The following AGPAT3 variants were observed in gnomAD, a reference collection of about 807,000 sequenced individuals.
AGPAT3 encodes the protein 1-acyl-sn-glycerol-3-phosphate acyltransferase gamma.
A neutral mutation model predicts 47.3 loss-of-function variants in AGPAT3; 5 were observed. The ratio of observed to expected loss-of-function variants is 0.11; its 90% CI spans 0.06 to 0.22. The LOEUF (loss-of-function observed/expected upper bound fraction) is 0.22. AGPAT3 is among the 10% of genes least tolerant of loss of function. The pLI, the probability that AGPAT3 is intolerant of heterozygous loss-of-function variation, is 1.00. For synonymous variants in AGPAT3, 212 were observed against 208.3 expected (o/e 1.02, Z -0.15); for missense variants, 315 against 493.0 (o/e 0.64, Z 3.42).
intron 1 of AGPAT3, among the ~76,000 whole-genome samples, chr21:43,897,193 A>G (rs2086240493): frequency 6.6e-6 from 1 of 151,872 alleles, no homozygotes; most frequent in South Asian, 2.1e-4. Context: ...CGTCTGTTTA[A>G]CAAAGCACAT....
chr21:43,902,392 G>A (rs1420826884), intron 1 of AGPAT3, among the ~76,000 whole-genome samples: 1 of 152,186 alleles, frequency 6.6e-6, no homozygotes, highest in African/African-American at 2.4e-5. Context: ...GGGAAAATAT[G>A]CGATATATAC....
intron 7 of AGPAT3, among the ~76,000 whole-genome samples, chr21:43,975,888 G>A (rs1457767249): frequency 6.6e-6 from 1 of 152,086 alleles, no homozygotes; most frequent in East Asian, 1.9e-4. Flanking sequence ...ATTCTCTGAC[G>A]GCCGTCGCAG....
intron 2 of AGPAT3, among the ~76,000 whole-genome samples, chr21:43,905,899 T>C (rs1486520991): frequency 6.6e-6 from 1 of 152,220 alleles, no homozygotes; most frequent in African/African-American, 2.4e-5. Flanking sequence ...AGAGGGCTTC[T>C]GATCTGTCAG....
chr21:43,917,815 G>A (rs548757815), intron 2 of AGPAT3, among the ~76,000 whole-genome samples: 2 of 112,320 alleles, frequency 1.8e-5, no homozygotes, highest in African/African-American at 4.3e-5. Flanking sequence ...GTTGTGTTGT[G>A]GGTGTTGTGG....
Position 43,903,690 on chromosome 21 carries a change from C to T in AGPAT3, c.-111-267C>T, listed in dbSNP as rs79856265. The stretch of plus-strand genomic sequence containing the variant: ...GTCCTTCCTGGGGCGTGACCTCTGG[C>T]GGCTCCGGGACTGTTCATTTATGAG... On this transcript the variant is annotated intron_variant, in intron 1 of 9. Transcript: ENST00000291572. Among the ~76,000 whole-genome samples the T allele has an allele frequency of 7.7e-3, 1,171 of 152,310 alleles. 18 individuals carry two copies. The highest frequency in any genetic ancestry group is 0.027 in the African/African-American group (1,115 of 41,564).
Position 43,959,649 on chromosome 21 carries a change from C to T in AGPAT3, c.-33C>T, listed in dbSNP as rs202218415. ...GTCTTTGCAGGACGGCTGTCCTCAG[C>T]GAGGGGCCGTGCACCCGCTCCTGAG... On this transcript the variant is annotated 5_prime_UTR_variant, in exon 3 of 10. Transcript: ENST00000291572. 1,808 of 1,608,278 alleles carry T rather than the reference C, an allele frequency of 1.1e-3. 9 individuals carry two copies. The highest frequency in any genetic ancestry group is 5.3e-3 in the Middle Eastern group (32 of 6,056).
chr21:43,981,671 G>T lies in AGPAT3; in HGVS notation c.1042+484G>T, dbSNP rs2089855658. ...TAGCCTGGGGCCGAACAGACACCCAGCCTGTCCCTGTGGTGAGCTCCGGCG... is the reference window on the plus strand; with the variant it reads ...TAGCCTGGGGCCGAACAGACACCCATCCTGTCCCTGTGGTGAGCTCCGGCG... On this transcript the variant is annotated intron_variant, in intron 9 of 9. Coordinates refer to ENST00000291572, the MANE Select transcript of AGPAT3 (RefSeq NM_020132.5). The surrounding 1 kb of genome is among the most constrained non-coding windows in gnomAD (Gnocchi z 5.3). Among the ~76,000 whole-genome samples, 1 of 152,130 alleles carries T rather than the reference G, an allele frequency of 6.6e-6. No individual in the cohort carries two copies. Among genetic ancestry groups the T allele is most frequent in the Admixed American group, 6.5e-5 (1 of 15,284 alleles).
chr21:43,959,932 G>A, intron 3 of AGPAT3, 73 bp downstream of exon 3: 1 of 1,472,400 alleles, frequency 6.8e-7, no homozygotes, highest in Non-Finnish European at 9.2e-7. Context: ...GCACGGGGCA[G>A]CCGTGGGCTC....
intron 7 of AGPAT3, among the ~76,000 whole-genome samples, chr21:43,975,454 GACTC>G (rs931075235): frequency 2.0e-5 from 3 of 152,196 alleles, no homozygotes. Context: ...GTTGCAACGA[GACTC>G]AGCTTTCACT....
intron 2 of AGPAT3, among the ~76,000 whole-genome samples, chr21:43,927,232 TATC>T (rs1431783559): frequency 6.6e-6 from 1 of 152,188 alleles, no homozygotes; most frequent in Non-Finnish European, 1.5e-5. Context: ...TTTTATAAAA[TATC>T]ATTAATTTAC....
chr21:43,963,636 C>T (rs534555044), intron 3 of AGPAT3, among the ~76,000 whole-genome samples: 263 of 138,124 alleles, frequency 1.9e-3, no homozygotes, highest in Non-Finnish European at 3.2e-3. Context: ...TGAACCTGGT[C>T]GGTGGAGGTT....
At chr21:43,914,236 T>C (rs2086684959) in intron 2 of AGPAT3, among the ~76,000 whole-genome samples, 1 of 152,214 alleles carries the variant, frequency 6.6e-6, no homozygotes, top group Non-Finnish European at 1.5e-5. Flanking sequence ...ACGCCACAAT[T>C]TGAGATGGTG....
chr21:43,928,524 G>A (rs1003800254), intron 2 of AGPAT3, among the ~76,000 whole-genome samples: 8 of 152,178 alleles, frequency 5.3e-5, no homozygotes, highest in Non-Finnish European at 8.8e-5. Flanking sequence ...TGCTTCTCCC[G>A]ACCCGTAGGC....
intron 1 of AGPAT3, among the ~76,000 whole-genome samples, chr21:43,889,744 TA>T (rs1169541695): frequency 1.3e-5 from 2 of 151,998 alleles, no homozygotes; most frequent in Admixed American, 1.3e-4. Flanking sequence ...GCATTGTGTC[TA>T]AAAAAAACAG....
chr21:43,968,205 A>G, intron 4 of AGPAT3, 90 bp downstream of exon 4: 1 of 955,566 alleles, frequency 1.0e-6, no homozygotes, highest in South Asian at 1.9e-5. Context: ...GGCCGGGGTG[A>G]GCAGGGGGTC....
In AGPAT3 at chr21:43,968,031, G is replaced by A. The variant is rs1461168000; in HGVS notation, c.264G>A (p.Glu88=). Reference sequence around the variant, plus strand: ...CCACGGTAGAGCGCTTTGGGAAGGAGCACGCAGTCATCATCCTCAACCACA... The same window carrying A: ...CCACGGTAGAGCGCTTTGGGAAGGAACACGCAGTCATCATCCTCAACCACA... ...DQATVERFGK[E]HAVIILNHNF... is the part of the protein sequence containing the mutation. Residue 88 remains glutamate (E), a synonymous_variant, in exon 4 of 10, where the codon GAG becomes GAA. Coordinates refer to ENST00000291572, the MANE Select transcript of AGPAT3 (RefSeq NM_020132.5). 6.2e-7 allele frequency: 1 copy of A among 1,613,968 alleles called. No homozygotes were observed. The highest frequency in any genetic ancestry group is 8.5e-7 in the Non-Finnish European group (1 of 1,179,996).
In AGPAT3 at chr21:43,985,477, G is replaced by A. The variant is rs954556243; in HGVS notation, c.*3085G>A. The A allele has an allele frequency of 6.3e-6, 2 of 319,124 alleles. No homozygotes were observed. Among genetic ancestry groups the A allele is most frequent in the African/African-American group, 2.2e-5 (1 of 45,578 alleles). 19.8% of individuals were successfully genotyped at this position (319,124 alleles called of 1,614,324 possible). A position where few individuals can be genotyped will look rare whatever the true frequency, so the allele number is the denominator to read the frequency against. ...CTGTCCCGACTCCCTTTCGCGCACC[G>A]TGGCATGAGAATCTTTCCTCACGCT... On this transcript the variant is annotated 3_prime_UTR_variant, in exon 10 of 10. Coordinates refer to ENST00000291572, the MANE Select transcript of AGPAT3 (RefSeq NM_020132.5).
At chr21:43,895,843 T>C (rs1250396814) in intron 1 of AGPAT3, among the ~76,000 whole-genome samples, 1 of 152,220 alleles carries the variant, frequency 6.6e-6, no homozygotes, top group South Asian at 2.1e-4. Flanking sequence ...CTCGGCTCAC[T>C]GCAACCTCCA....
intron 1 of AGPAT3, among the ~76,000 whole-genome samples, chr21:43,892,468 G>A (rs1569049182): frequency 6.6e-6 from 1 of 152,184 alleles, no homozygotes; most frequent in Non-Finnish European, 1.5e-5. Context: ...TTTTTTGAAA[G>A]GAATCCTTTT....
Sources: allele counts gnomAD v4.1 joint callset (sites outside exome capture counted in the v4.1 genomes callset), GRCh38; gene constraint gnomAD v4.1.1; non-coding constraint Gnocchi (gnomAD v3.1); transcripts MANE v1.5; gene names NCBI Gene and HGNC (gene_info 2026-07-23, HGNC 2026-07-21).